C12orf56: variants seen among roughly 807,000 people sequenced by gnomAD.
The protein encoded by C12orf56 is chromosome 12 open reading frame 56, also known as uncharacterized protein C12orf56.
Under a neutral mutation model 69.9 loss-of-function variants are expected in C12orf56, and 71 were observed. The observed-to-expected ratio is 1.02, with a 90% confidence interval of 0.84 to 1.24. C12orf56 has a LOEUF of 1.24. Ranked by LOEUF, C12orf56 falls within the 50% of genes most tolerant of loss-of-function variation. The pLI is 0.00. For synonymous variants in C12orf56, 276 were observed against 274.1 expected (o/e 1.01, Z -0.07); for missense variants, 732 against 738.5 (o/e 0.99, Z 0.10).
chr12:64,329,757 A>G (rs550721184), intron 3 of C12orf56, among the ~76,000 whole-genome samples: 1 of 140,422 alleles, frequency 7.1e-6, no homozygotes, highest in East Asian at 2.2e-4. Context: ...ATTCCCACCT[A>G]TGAGTGAGAA....
intron 8 of C12orf56, among the ~76,000 whole-genome samples, chr12:64,283,290 G>C (rs2038155588): frequency 6.6e-6 from 1 of 152,222 alleles, no homozygotes; most frequent in Non-Finnish European, 1.5e-5. Context: ...GGTGCAGTGA[G>C]CTGAAATCGT....
In C12orf56 at chr12:64,284,044, C is replaced by T. The variant is rs375893047; in HGVS notation, c.1310+620G>A. 2.7e-4 allele frequency among the ~76,000 whole-genome samples: 41 copies of T among 151,726 alleles called. 1 individual carries two copies. The East Asian group carries it at 5.5e-3, about 20-fold the overall frequency. On this transcript the variant is annotated intron_variant, in intron 8 of 12. Coordinates refer to ENST00000543942, the MANE Select transcript of C12orf56 (RefSeq NM_001170633.2). ...TCCCGAGTAGCTGGGATTACAAGTG[C>T]GCACCACCATGCCTGGCTAATTTTT...
At chr12:64,268,750 A>G (rs1178703) in intron 12 of C12orf56, among the ~76,000 whole-genome samples, 106,916 of 152,008 alleles carry the variant, frequency 0.7, 38,792 homozygotes, top group Non-Finnish European at 0.8. Flanking sequence ...AGGAGGTGCA[A>G]GAGGGAAGAG....
chr12:64,354,045 A>G (rs553010917), intron 1 of C12orf56, among the ~76,000 whole-genome samples: 1 of 152,362 alleles, frequency 6.6e-6, no homozygotes, highest in Non-Finnish European at 1.5e-5. Context: ...TTGATTTTAC[A>G]CTAAGATTTT....
chr12:64,328,498 G>T (rs2136858702), intron 3 of C12orf56, among the ~76,000 whole-genome samples: 1 of 151,574 alleles, frequency 6.6e-6, no homozygotes, highest in East Asian at 2.0e-4. Context: ...GGCCAACATG[G>T]TGAAACTCCA....
chr12:64,382,816 A>AGT (rs1333850962), intron 1 of C12orf56, among the ~76,000 whole-genome samples: 1 of 150,170 alleles, frequency 6.7e-6, no homozygotes, highest in African/African-American at 2.5e-5. Flanking sequence ...GAGTGCAGTT[A>AGT]GCCAAGACCG....
intron 1 of C12orf56, among the ~76,000 whole-genome samples, chr12:64,380,957 C>T (rs1592505281): frequency 6.6e-6 from 1 of 152,132 alleles, no homozygotes; most frequent in Non-Finnish European, 1.5e-5. Context: ...ATGTAACCAC[C>T]CAACAGGTTC....
At chr12:64,308,769 G>A (rs947654602) in intron 5 of C12orf56, among the ~76,000 whole-genome samples, 1 of 151,092 alleles carries the variant, frequency 6.6e-6, no homozygotes, top group Admixed American at 6.6e-5. Flanking sequence ...CTTGAACCCG[G>A]GTGGTGGAGG....
intron 2 of C12orf56, chr12:64,338,231 A>T (rs2039022482): frequency 1.8e-6 from 1 of 566,130 alleles, no homozygotes; most frequent in African/African-American, 1.9e-5. Context: ...TTCTGGCATC[A>T]TCTGCTGGAC....
At chr12:64,275,495 G>T in intron 9 of C12orf56, 123 bp from the exon 10 acceptor site, 1 of 464,758 alleles carries the variant, frequency 2.2e-6, no homozygotes, top group East Asian at 3.6e-5. Context: ...AAGGTCTCAT[G>T]CTGCCACCCA....
intron 12 of C12orf56, among the ~76,000 whole-genome samples, chr12:64,269,103 A>G (rs2136738590): frequency 6.6e-6 from 1 of 150,990 alleles, no homozygotes; most frequent in African/African-American, 2.4e-5. Context: ...TCACAGCACT[A>G]CACTCCAGCC....
intron 6 of C12orf56, among the ~76,000 whole-genome samples, chr12:64,302,442 A>C (rs1161519090): frequency 6.6e-6 from 1 of 152,200 alleles, no homozygotes. Flanking sequence ...CAAAATGGTC[A>C]CCCTACATAT....
chr12:64,364,758 G>C (rs1423116763), intron 1 of C12orf56, among the ~76,000 whole-genome samples: 1 of 151,978 alleles, frequency 6.6e-6, no homozygotes, highest in Non-Finnish European at 1.5e-5. Flanking sequence ...TCTGAATCCT[G>C]TGAGTCCTTT....
chr12:64,275,004 A>G (rs749652311), intron 10 of C12orf56, 29 bp from the exon 11 acceptor site: 24 of 1,551,162 alleles, frequency 1.5e-5, no homozygotes, highest in Admixed American at 5.0e-5. Context: ...TAAACAAGTT[A>G]TATTCATAAA....
rs112705947 is a variant in C12orf56, at chr12:64,318,146, C to T, written c.894+429G>A. Among the ~76,000 whole-genome samples, 69 of 152,118 alleles carry T rather than the reference C, an allele frequency of 4.5e-4. 1 individual carries two copies. Among genetic ancestry groups the T allele is most frequent in the African/African-American group, 1.6e-3 (65 of 41,500 alleles). ...ATCTCAGCTCACTGCAATTAAACTC[C>T]GCCTCTGGAGTTTAATTGATTCTCA... is the stretch of plus-strand genomic sequence containing the variant. On this transcript the variant is annotated intron_variant, in intron 4 of 12. Transcript: ENST00000543942.
intron 5 of C12orf56, 116 bp from the exon 6 acceptor site, chr12:64,303,895 A>G: frequency 8.3e-7 from 1 of 1,202,922 alleles, no homozygotes; most frequent in South Asian, 1.5e-5. Context: ...ATTTTAATAT[A>G]GTTTTATTCT....
At chr12:64,315,861 G>A (rs185258530) in intron 4 of C12orf56, among the ~76,000 whole-genome samples, 1 of 151,162 alleles carries the variant, frequency 6.6e-6, no homozygotes, top group African/African-American at 2.4e-5. Context: ...AACCCGGGAG[G>A]CAGAGGTTGC....
At chr12:64,284,101 T>C (rs947758054) in intron 8 of C12orf56, among the ~76,000 whole-genome samples, 3 of 152,126 alleles carry the variant, frequency 2.0e-5, no homozygotes, top group Non-Finnish European at 4.4e-5. Flanking sequence ...TTTCACCATG[T>C]TGGTCAGGCT....
rs143637645 is a variant in C12orf56, at chr12:64,347,954, CTG to C, written c.415+4938_415+4939del. ...AAGAATTAATCTTGTGAAAGAAATT[CTG>C]TGTGTGAACAGATTAACTAAATTCA... is the stretch of plus-strand genomic sequence containing the variant. On this transcript the variant is annotated intron_variant, in intron 2 of 12. Coordinates refer to ENST00000543942, the MANE Select transcript of C12orf56 (RefSeq NM_001170633.2). 5.9e-4 allele frequency among the ~76,000 whole-genome samples: 90 copies of C among 152,196 alleles called. 2 individuals are homozygous for C. The highest frequency in any genetic ancestry group is 2.1e-3 in the Admixed American group (32 of 15,280).
Sources: gnomAD v4.1 joint callset for allele counts (sites outside exome capture counted in the v4.1 genomes callset) on GRCh38, gnomAD v4.1.1 for gene constraint, MANE v1.5 for transcripts, NCBI Gene and HGNC (gene_info 2026-07-23, HGNC 2026-07-21) for gene names.